CSGALNACT1: variants seen among roughly 807,000 people sequenced by gnomAD.
CSGALNACT1 encodes chondroitin sulfate N-acetylgalactosaminyltransferase 1, also known as beta4GalNAcT-1.
CSGALNACT1 carries 52 observed loss-of-function variants against 51.0 expected under a neutral mutation model. The observed-to-expected ratio is 1.02, with a 90% CI of 0.82 to 1.29. The LOEUF is 1.29. CSGALNACT1 is among the 50% of genes most tolerant of loss of function. The probability of loss-of-function intolerance (pLI) is 0.00; values close to 1 mark genes in which losing one functional copy is unlikely to be tolerated. For synonymous variants in CSGALNACT1, 341 were observed against 254.4 expected (o/e 1.34, Z -3.24); for missense variants, 935 against 679.2 (o/e 1.38, Z -4.19).
intron 6 of CSGALNACT1, among the ~76,000 whole-genome samples, chr8:19,434,103 T>C (rs886494963): frequency 6.6e-6 from 1 of 152,192 alleles, no homozygotes; most frequent in Non-Finnish European, 1.5e-5. Context: ...GTTGCAAACT[T>C]TGGTTAATTT....
intron 4 of CSGALNACT1, among the ~76,000 whole-genome samples, chr8:19,472,886 T>G (rs1480880257): frequency 6.6e-6 from 1 of 152,232 alleles, no homozygotes; most frequent in African/African-American, 2.4e-5. Flanking sequence ...TAGGGTTACT[T>G]TGAAGATTAA....
exon 10 of CSGALNACT1, chr8:19,405,512 C>G (rs2053964657): frequency 1.6e-6 from 1 of 614,942 alleles, no homozygotes; most frequent in Admixed American, 2.1e-5. Context: ...CCATCAAAAC[C>G]TCCACACCAT....
intron 1 of CSGALNACT1, among the ~76,000 whole-genome samples, chr8:19,752,312 T>G (rs547482525): frequency 3.9e-5 from 6 of 152,014 alleles, no homozygotes; most frequent in African/African-American, 1.4e-4. Context: ...CTTATGCAGG[T>G]TGTGCCGCAA....
intron 1 of CSGALNACT1, among the ~76,000 whole-genome samples, chr8:19,607,829 TG>T (rs2051609137): frequency 6.6e-6 from 1 of 152,246 alleles, no homozygotes; most frequent in African/African-American, 2.4e-5. Context: ...TGAGGGAGGA[TG>T]ATCTTTATCT....
At chr8:19,407,460 C>T (rs1405403332) in intron 9 of CSGALNACT1, among the ~76,000 whole-genome samples, 2 of 152,134 alleles carry the variant, frequency 1.3e-5, no homozygotes, top group South Asian at 4.1e-4. Flanking sequence ...CTGAGATCAA[C>T]GTTTCGGGAC....
intron 3 of CSGALNACT1, among the ~76,000 whole-genome samples, chr8:19,573,211 C>T (rs1362702513): frequency 2.6e-5 from 4 of 152,160 alleles, no homozygotes; most frequent in Non-Finnish European, 1.5e-5. Flanking sequence ...GCAAATTAGC[C>T]CTTACCCACT....
At chr8:19,723,183 A>G (rs572877603) in intron 1 of CSGALNACT1, among the ~76,000 whole-genome samples, 1 of 152,380 alleles carries the variant, frequency 6.6e-6, no homozygotes, top group South Asian at 2.1e-4. Context: ...ATTGATACTA[A>G]AATTTAAGAT....
intron 3 of CSGALNACT1, among the ~76,000 whole-genome samples, chr8:19,551,457 G>A (rs2088066041): frequency 6.6e-6 from 1 of 152,150 alleles, no homozygotes; most frequent in Admixed American, 6.5e-5. Flanking sequence ...CCCTCAATTG[G>A]GTGGCAAAGT....
At chr8:19,753,830 T>A (rs559618666) in intron 1 of CSGALNACT1, among the ~76,000 whole-genome samples, 2 of 152,360 alleles carry the variant, frequency 1.3e-5, no homozygotes, top group African/African-American at 4.8e-5. Context: ...TTCTACCAAA[T>A]AGCAAATTAT....
chr8:19,536,687 A>G (rs2083819564), intron 3 of CSGALNACT1, among the ~76,000 whole-genome samples: 1 of 152,224 alleles, frequency 6.6e-6, no homozygotes, highest in Non-Finnish European at 1.5e-5. Flanking sequence ...AAGAAAGCAA[A>G]AGAGCTAGAA....
intron 1 of CSGALNACT1, among the ~76,000 whole-genome samples, chr8:19,696,773 G>C (rs974441975): frequency 6.6e-6 from 1 of 152,160 alleles, no homozygotes; most frequent in African/African-American, 2.4e-5. Flanking sequence ...TCTAGAATGG[G>C]GGTCGGTACA....
intron 1 of CSGALNACT1, among the ~76,000 whole-genome samples, chr8:19,664,706 C>T (rs1285666141): frequency 6.6e-6 from 1 of 151,840 alleles, no homozygotes; most frequent in East Asian, 1.9e-4. Flanking sequence ...TACTACTCAG[C>T]CACAAAAAAA....
intron 3 of CSGALNACT1, among the ~76,000 whole-genome samples, chr8:19,572,260 T>C (rs1279693184): frequency 6.6e-6 from 1 of 152,232 alleles, no homozygotes; most frequent in East Asian, 1.9e-4. Context: ...CCTATCAAAC[T>C]CTATCTCCCT....
At chr8:19,488,677 TACTA>T (rs1232475441) in intron 4 of CSGALNACT1, among the ~76,000 whole-genome samples, 1 of 152,036 alleles carries the variant, frequency 6.6e-6, no homozygotes, top group African/African-American at 2.4e-5. Flanking sequence ...CAGTAATAAT[TACTA>T]ACATTTTATT....
intron 1 of CSGALNACT1, among the ~76,000 whole-genome samples, chr8:19,720,816 G>T (rs1020721713): frequency 1.1e-4 from 16 of 152,206 alleles, no homozygotes; most frequent in Non-Finnish European, 2.1e-4. Context: ...CCAGAGGAGG[G>T]TTTTGGTTGC....
exon 4 of CSGALNACT1, chr8:19,505,645 A>G (rs2077190047): frequency 1.2e-6 from 2 of 1,612,488 alleles, no homozygotes; most frequent in South Asian, 1.1e-5. Context: ...TGCTCCTCCC[A>G]CTCCTGAAGG....
chr8:19,666,969 AAGAAAGAAAGAAAG>A (rs1267522221), intron 1 of CSGALNACT1, among the ~76,000 whole-genome samples: 14 of 7,168 alleles, frequency 2.0e-3, no homozygotes, highest in African/African-American at 0.013. Context: ...GAAAGAAAGA[AAGAAAGAAAGAAAG>A]AAAGAAAGAA....
At chr8:19,454,974 T>G (rs1163706977) in intron 5 of CSGALNACT1, among the ~76,000 whole-genome samples, 1 of 152,226 alleles carries the variant, frequency 6.6e-6, no homozygotes, top group Non-Finnish European at 1.5e-5. Context: ...ATTCTATAAG[T>G]AGAAATAGAA....
At chr8:19,501,723 T>C (rs1420871946) in intron 4 of CSGALNACT1, among the ~76,000 whole-genome samples, 1 of 152,222 alleles carries the variant, frequency 6.6e-6, no homozygotes, top group Non-Finnish European at 1.5e-5. Context: ...GTCCAAGGGA[T>C]CTATTTAAAA....
Sources: allele counts gnomAD v4.1 joint callset (sites outside exome capture counted in the v4.1 genomes callset), GRCh38; gene constraint gnomAD v4.1.1; transcripts MANE v1.5; gene names NCBI Gene and HGNC (gene_info 2026-07-23, HGNC 2026-07-21).